Variants in AOAH observed in about 807,000 individuals in gnomAD.
AOAH encodes acyloxyacyl hydrolase (neutrophil).
In AOAH, 64 loss-of-function variants were observed where a neutral mutation model predicts 92.2. The observed-to-expected ratio is 0.69, with a 90% confidence interval of 0.57 to 0.86. The LOEUF is 0.86. Ranked by LOEUF, AOAH falls within the 40% of genes least tolerant of loss-of-function variation. The probability of loss-of-function intolerance (pLI) is 0.00; values close to 1 mark genes in which losing one functional copy is unlikely to be tolerated. For synonymous variants in AOAH, 263 were observed against 254.5 expected, an observed-to-expected ratio of 1.03 and a Z score of -0.32; for missense variants, 656 against 694.6, an observed-to-expected ratio of 0.94 and a Z score of 0.62.
chr7:36,635,053 C>CTCTT (rs1715062417), intron 5 of AOAH, among the ~76,000 whole-genome samples: 1 of 152,172 alleles, frequency 6.6e-6, no homozygotes, highest in African/African-American at 2.4e-5. Flanking sequence ...GACCACCCTT[C>CTCTT]TCTTACAAAG....
chr7:36,536,606 A>T (rs973414832), intron 16 of AOAH, among the ~76,000 whole-genome samples: 12 of 152,062 alleles, frequency 7.9e-5, no homozygotes, highest in Non-Finnish European at 1.3e-4. Context: ...CAATAAATGA[A>T]ATTACTGTGC....
At chr7:36,722,181 A>G (rs912556607) in intron 1 of AOAH, among the ~76,000 whole-genome samples, 1 of 152,190 alleles carries the variant, frequency 6.6e-6, no homozygotes, top group Non-Finnish European at 1.5e-5. Context: ...CAAATTTTTC[A>G]CCCATAAAAT....
chr7:36,517,206 C>CTTTCTTTCT (rs1554360930), intron 20 of AOAH, among the ~76,000 whole-genome samples: 907 of 47,214 alleles, frequency 0.019, 30 homozygotes, highest in African/African-American at 0.03. Flanking sequence ...TTCTTTCTTT[C>CTTTCTTTCT]TTTCTTTCTC....
At chr7:36,543,077 G>C (rs1470995064) in intron 15 of AOAH, among the ~76,000 whole-genome samples, 1 of 152,108 alleles carries the variant, frequency 6.6e-6, no homozygotes, top group Non-Finnish European at 1.5e-5. Context: ...CTCTTAAGGG[G>C]GGAGAGAAAA....
At chr7:36,605,948 G>A (rs1256794445) in intron 11 of AOAH, among the ~76,000 whole-genome samples, 1 of 152,186 alleles carries the variant, frequency 6.6e-6, no homozygotes, top group Non-Finnish European at 1.5e-5. Flanking sequence ...TAGGATTGAG[G>A]TTTCTCTCCT....
chr7:36,621,110 T>C (rs943686420), intron 8 of AOAH, among the ~76,000 whole-genome samples: 2 of 152,246 alleles, frequency 1.3e-5, no homozygotes, highest in Non-Finnish European at 2.9e-5. Flanking sequence ...ACCGCATTGT[T>C]GTGGAATGGT....
intron 16 of AOAH, among the ~76,000 whole-genome samples, chr7:36,536,108 A>G (rs1419331533): frequency 6.6e-6 from 1 of 152,040 alleles, no homozygotes; most frequent in Non-Finnish European, 1.5e-5. Flanking sequence ...TGAGACACCC[A>G]CCTGCTCTTG....
intron 20 of AOAH, among the ~76,000 whole-genome samples, chr7:36,517,196 TTCTTTCTTTCTTTCTTTC>T (rs1286030965): frequency 3.3e-4 from 23 of 70,596 alleles, no homozygotes; most frequent in African/African-American, 1.1e-3. Flanking sequence ...CTTTCTTTCT[TTCTTTCTTTCTTTCTTTC>T]TCTTTCTTTC....
At chr7:36,642,271 A>T (rs1460506181) in intron 4 of AOAH, among the ~76,000 whole-genome samples, 1 of 152,052 alleles carries the variant, frequency 6.6e-6, no homozygotes, top group East Asian at 1.9e-4. Flanking sequence ...GTGGGCTGCT[A>T]ATCCAGTATT....
intron 1 of AOAH, among the ~76,000 whole-genome samples, chr7:36,709,764 G>C (rs539117675): frequency 2.6e-5 from 4 of 152,112 alleles, no homozygotes; most frequent in Admixed American, 2.6e-4. Context: ...TATGCAAAAA[G>C]GTATGACATT....
At chr7:36,615,860 A>G (rs956631452) in intron 11 of AOAH, among the ~76,000 whole-genome samples, 7 of 150,178 alleles carry the variant, frequency 4.7e-5, no homozygotes, top group South Asian at 4.2e-4. Flanking sequence ...ATTGTTTGCA[A>G]TTTTGCCTTG....
chr7:36,635,314 C>T (rs1793439945), intron 5 of AOAH, among the ~76,000 whole-genome samples: 1 of 152,088 alleles, frequency 6.6e-6, no homozygotes, highest in Non-Finnish European at 1.5e-5. Context: ...GCTTCCTGAG[C>T]TTCCCCATGC....
At chr7:36,581,704 G>A (rs963059124) in intron 12 of AOAH, among the ~76,000 whole-genome samples, 3 of 152,262 alleles carry the variant, frequency 2.0e-5, no homozygotes, top group African/African-American at 4.8e-5. Context: ...AGTAAATAGT[G>A]TAGGTATTAA....
chr7:36,518,067 A>C (rs140858133), intron 20 of AOAH, among the ~76,000 whole-genome samples: 2 of 152,222 alleles, frequency 1.3e-5, no homozygotes, highest in Non-Finnish European at 2.9e-5. Context: ...TCTTTGGTAA[A>C]CAGTGCCATG....
At chr7:36,695,058 CA>C (rs1179085507) in intron 1 of AOAH, among the ~76,000 whole-genome samples, 7 of 152,020 alleles carry the variant, frequency 4.6e-5, no homozygotes. Context: ...TTACTACTGC[CA>C]AAATTTTCGC....
intron 12 of AOAH, among the ~76,000 whole-genome samples, chr7:36,588,518 T>A (rs1454631458): frequency 6.6e-6 from 1 of 152,276 alleles, no homozygotes; most frequent in Admixed American, 6.5e-5. Flanking sequence ...TTATATCACA[T>A]GTAATTTGCG....
intron 15 of AOAH, among the ~76,000 whole-genome samples, chr7:36,544,585 CTG>C (rs1785672670): frequency 6.6e-6 from 1 of 152,282 alleles, no homozygotes; most frequent in South Asian, 2.1e-4. Flanking sequence ...GAAAACCAGC[CTG>C]TGGCACAGGG....
chr7:36,634,312 T>C (rs142299163), intron 5 of AOAH, among the ~76,000 whole-genome samples: 5,165 of 152,202 alleles, frequency 0.034, 284 homozygotes, highest in African/African-American at 0.12. Flanking sequence ...TAGTTAAAGA[T>C]TGACCCCTGA....
At chr7:36,589,026 T>C (rs1464585993) in intron 12 of AOAH, among the ~76,000 whole-genome samples, 1 of 150,124 alleles carries the variant, frequency 6.7e-6, no homozygotes, top group Non-Finnish European at 1.5e-5. Context: ...TCATTGCTTT[T>C]TATGATGAAT....
Sources: allele counts gnomAD v4.1 joint callset (sites outside exome capture counted in the v4.1 genomes callset), GRCh38; gene constraint gnomAD v4.1.1; transcripts MANE v1.5; gene names NCBI Gene and HGNC (gene_info 2026-07-23, HGNC 2026-07-21).